The following NALCN variants were observed in gnomAD, a reference collection of about 807,000 sequenced individuals.
The protein encoded by NALCN is sodium leak channel, non-selective.
A neutral mutation model predicts 225.3 loss-of-function variants in NALCN; 111 were observed. That is an observed-to-expected ratio of 0.49 (90% CI 0.42 to 0.58). NALCN has a LOEUF of 0.58. NALCN is among the 20% of genes least tolerant of loss of function. The pLI is 0.00. For missense variants in NALCN, 1,378 were observed against 2,202.4 expected, an observed-to-expected ratio of 0.63 and a Z score of 7.49; for synonymous variants, 764 against 769.0, an observed-to-expected ratio of 0.99 and a Z score of 0.11.
In NALCN at chr13:101,054,271, A is replaced by C. The variant is rs911804654; in HGVS notation, c.*1024T>G. Reference sequence around the variant, plus strand: ...TAAGTTGTGTGATCCCTAACCTGTGAGTTCAAAGGAAGATTTTGCAGGGCA... The same window carrying C: ...TAAGTTGTGTGATCCCTAACCTGTGCGTTCAAAGGAAGATTTTGCAGGGCA... On this transcript the variant is annotated 3_prime_UTR_variant, in exon 44 of 44. Transcript: ENST00000251127. The C allele has an allele frequency of 6.6e-5, 10 of 152,234 alleles. No homozygotes were observed. Among genetic ancestry groups the C allele is most frequent in the African/African-American group, 2.4e-4 (10 of 41,460 alleles). 9.4% of individuals were successfully genotyped at this position (152,234 alleles called of 1,614,324 possible).
intron 7 of NALCN, among the ~76,000 whole-genome samples, chr13:101,344,995 G>C (rs144313170): frequency 6.6e-6 from 1 of 152,228 alleles, no homozygotes; most frequent in Non-Finnish European, 1.5e-5. Flanking sequence ...ATTTTTAAAT[G>C]CTTAAATGCT....
chr13:101,258,730 G>C (rs1056588494), intron 10 of NALCN, among the ~76,000 whole-genome samples, 156 bp from the exon 11 acceptor site: 1 of 152,204 alleles, frequency 6.6e-6, no homozygotes, highest in Non-Finnish European at 1.5e-5. Context: ...CTGCTGAACT[G>C]GGCAGGCAAG....
intron 12 of NALCN, among the ~76,000 whole-genome samples, chr13:101,237,413 A>C (rs1279867764): frequency 6.6e-6 from 1 of 152,076 alleles, no homozygotes; most frequent in Non-Finnish European, 1.5e-5. Flanking sequence ...AGTTTGTGCC[A>C]ACATCTTATG....
At chr13:101,226,257 A>G (rs2140123219) in intron 13 of NALCN, among the ~76,000 whole-genome samples, 1 of 152,046 alleles carries the variant, frequency 6.6e-6, no homozygotes, top group Middle Eastern at 3.4e-3. Flanking sequence ...CTCCCCTCCA[A>G]CCAGACATCC....
chr13:101,399,571 A>G (rs2047408181), intron 1 of NALCN, among the ~76,000 whole-genome samples: 1 of 152,188 alleles, frequency 6.6e-6, no homozygotes, highest in Admixed American at 6.5e-5. Flanking sequence ...GATCTTCCCC[A>G]TGGTTTCCCC....
At chr13:101,353,569 C>A (rs1331634126) in intron 6 of NALCN, among the ~76,000 whole-genome samples, 1 of 152,182 alleles carries the variant, frequency 6.6e-6, no homozygotes, top group Non-Finnish European at 1.5e-5. Context: ...ATGGCTCCGC[C>A]TGGACTTTTA....
intron 17 of NALCN, among the ~76,000 whole-genome samples, chr13:101,124,938 A>C (rs1255077974): frequency 6.6e-6 from 1 of 152,136 alleles, no homozygotes; most frequent in African/African-American, 2.4e-5. Context: ...GTCTGAATAA[A>C]ATTTTCAGTT....
chr13:101,386,959 C>T (rs887996067), intron 3 of NALCN, among the ~76,000 whole-genome samples: 2 of 152,030 alleles, frequency 1.3e-5, no homozygotes, highest in Non-Finnish European at 2.9e-5. Flanking sequence ...CGGTGGCTCA[C>T]GCCTGTAATC....
intron 12 of NALCN, among the ~76,000 whole-genome samples, chr13:101,231,046 G>A (rs2041327047): frequency 2.0e-5 from 3 of 152,094 alleles, no homozygotes; most frequent in African/African-American, 7.2e-5. Flanking sequence ...TAGCCTAGGA[G>A]CAATAGGCCA....
chr13:101,062,747 G>A (rs1003786778), intron 40 of NALCN, among the ~76,000 whole-genome samples: 23 of 152,254 alleles, frequency 1.5e-4, no homozygotes, highest in African/African-American at 5.1e-4. Flanking sequence ...GGGATTACAG[G>A]TGTGTGCCAC....
intron 13 of NALCN, among the ~76,000 whole-genome samples, chr13:101,207,248 T>C (rs2040348199): frequency 6.6e-6 from 1 of 152,246 alleles, no homozygotes; most frequent in African/African-American, 2.4e-5. Context: ...TGTGCTTCCT[T>C]GCCAGCAGTG....
chr13:101,165,716 T>A (rs905093445), intron 15 of NALCN, among the ~76,000 whole-genome samples: 1 of 152,236 alleles, frequency 6.6e-6, no homozygotes, highest in East Asian at 1.9e-4. Context: ...GCTCAAACAA[T>A]GTGCTTACCT....
chr13:101,122,327 T>C (rs1438624821), intron 18 of NALCN, among the ~76,000 whole-genome samples: 1 of 152,210 alleles, frequency 6.6e-6, no homozygotes, highest in African/African-American at 2.4e-5. Flanking sequence ...TTTCAAATTA[T>C]GGCTTTTTAT....
At chr13:101,351,033 A>G (rs990582317) in intron 6 of NALCN, among the ~76,000 whole-genome samples, 2 of 152,162 alleles carry the variant, frequency 1.3e-5, no homozygotes, top group African/African-American at 4.8e-5. Flanking sequence ...ATACACATAC[A>G]TATATATAAT....
intron 13 of NALCN, among the ~76,000 whole-genome samples, chr13:101,195,599 G>T (rs1566415081): frequency 6.6e-6 from 1 of 152,094 alleles, no homozygotes; most frequent in East Asian, 1.9e-4. Flanking sequence ...AATGAGACAG[G>T]AATTTTTTGT....
intron 14 of NALCN, among the ~76,000 whole-genome samples, chr13:101,178,908 A>G (rs747959097): frequency 1.3e-5 from 2 of 152,186 alleles, no homozygotes; most frequent in African/African-American, 2.4e-5. Flanking sequence ...AGCTTTTTCA[A>G]TAATAAAACT....
intron 13 of NALCN, among the ~76,000 whole-genome samples, chr13:101,224,572 T>C (rs2041064976): frequency 6.6e-6 from 1 of 152,168 alleles, no homozygotes; most frequent in Non-Finnish European, 1.5e-5. Flanking sequence ...TGGATATGCT[T>C]ATCGCTGTCT....
chr13:101,239,957 C>A (rs972112745), intron 11 of NALCN, among the ~76,000 whole-genome samples: 7 of 151,992 alleles, frequency 4.6e-5, no homozygotes, highest in African/African-American at 1.7e-4. Context: ...ACTTTAATTT[C>A]TTTTTAAAGT....
At chr13:101,415,228 T>TATATATATATATATATATATATAC (rs137895468) in intron 1 of NALCN, among the ~76,000 whole-genome samples, 13 of 129,192 alleles carry the variant, frequency 1.0e-4, no homozygotes, top group Non-Finnish European at 1.8e-4. Context: ...TATATATACA[T>TATATATATATATATATATATATAC]ACATATATAT....
Sources: gnomAD v4.1 joint callset for allele counts (sites outside exome capture counted in the v4.1 genomes callset) on GRCh38, gnomAD v4.1.1 for gene constraint, MANE v1.5 for transcripts, NCBI Gene and HGNC (gene_info 2026-07-23, HGNC 2026-07-21) for gene names.